Variants in CDK17 observed in about 807,000 individuals in gnomAD.
CDK17 encodes cyclin-dependent kinase 17.
Under a neutral mutation model 77.6 loss-of-function variants are expected in CDK17, and 24 were observed. The ratio of observed to expected loss-of-function variants is 0.31; its 90% CI spans 0.22 to 0.44. The LOEUF (loss-of-function observed/expected upper bound fraction) is 0.44. CDK17 is among the 20% of genes least tolerant of loss of function. CDK17 has a pLI of 1.00. For missense variants in CDK17, 429 were observed against 622.5 expected (o/e 0.69, Z 3.31); for synonymous variants, 203 against 210.4 (o/e 0.96, Z 0.30).
chr12:96,390,778 G>A (rs1180469624), intron 1 of CDK17, among the ~76,000 whole-genome samples: 1 of 149,904 alleles, frequency 6.7e-6, no homozygotes, highest in African/African-American at 2.5e-5. Flanking sequence ...AGTAGACCAT[G>A]GAACAGTTTT....
chr12:96,310,441 G>A lies in CDK17; in HGVS notation c.543+611C>T, dbSNP rs180749762. 2.2e-4 allele frequency among the ~76,000 whole-genome samples: 33 copies of A among 152,166 alleles called. No individual in the cohort carries two copies. The East Asian group carries it at 6.2e-3, about 28-fold the overall frequency. On this transcript the variant is annotated intron_variant, in intron 5 of 16. Coordinates refer to ENST00000261211, the MANE Select transcript of CDK17 (RefSeq NM_002595.5). ...AAAACAAATAAGAATATATGTGAATGGGATTTTAGAAGATCCAGATACCAA... is the reference window on the plus strand; with the variant it reads ...AAAACAAATAAGAATATATGTGAATAGGATTTTAGAAGATCCAGATACCAA...
At position 96,334,810 on chromosome 12, in the gene CDK17, G is replaced by A. The variant is rs1405412419; in HGVS notation, c.27C>T (p.Ser9=). The change falls in exon 2 of 17, where the codon TCC becomes TCT. Residue 9 remains serine (S), a synonymous_variant. Transcript: ENST00000261211. The stretch of plus-strand genomic sequence containing the variant: ...TAGTCTGACTTCCTCGGAGTGTGAG[G>A]GATAGCCTTCTCTTAAATTTTTTCA... MKKFKRRL[S]LTLRGSQTID... 6.2e-7 allele frequency: 1 copy of A among 1,606,034 alleles called. No individual in the cohort carries two copies. Among genetic ancestry groups the A allele is most frequent in the East Asian group, 2.2e-5 (1 of 44,748 alleles).
At chr12:96,394,477 T>A (rs893859740) in intron 1 of CDK17, among the ~76,000 whole-genome samples, 9 of 152,052 alleles carry the variant, frequency 5.9e-5, no homozygotes, top group East Asian at 3.9e-4. Context: ...CTTGAACATA[T>A]TTACACTAAC....
chr12:96,384,722 G>GT (rs1460104339), intron 1 of CDK17, among the ~76,000 whole-genome samples: 2 of 152,102 alleles, frequency 1.3e-5, no homozygotes, highest in Non-Finnish European at 2.9e-5. Flanking sequence ...ACACATGGAC[G>GT]TAAGATAGGA....
intron 1 of CDK17, among the ~76,000 whole-genome samples, chr12:96,391,071 A>G (rs937515339): frequency 1.4e-5 from 2 of 143,544 alleles, no homozygotes; most frequent in Admixed American, 1.4e-4. Flanking sequence ...TAAACGACAG[A>G]GGGAGACTCC....
chr12:96,374,810 C>T (rs182350997), intron 1 of CDK17, among the ~76,000 whole-genome samples: 9 of 152,294 alleles, frequency 5.9e-5, no homozygotes, highest in Admixed American at 3.9e-4. Flanking sequence ...ATAAATGAAA[C>T]AACACAATGC....
intron 1 of CDK17, among the ~76,000 whole-genome samples, chr12:96,373,341 C>T (rs1441073503): frequency 1.3e-5 from 2 of 152,134 alleles, no homozygotes; most frequent in Admixed American, 6.5e-5. Context: ...GCCTGTAATC[C>T]CAGCACTTTG....
At chr12:96,351,042 G>A (rs946642347) in intron 1 of CDK17, among the ~76,000 whole-genome samples, 6 of 152,030 alleles carry the variant, frequency 3.9e-5, no homozygotes, top group Admixed American at 6.6e-5. Flanking sequence ...AATGTACATC[G>A]CACCAAAGAT....
At chr12:96,302,858 A>G (rs924043636) in intron 5 of CDK17, among the ~76,000 whole-genome samples, 2 of 152,186 alleles carry the variant, frequency 1.3e-5, no homozygotes, top group African/African-American at 4.8e-5. Flanking sequence ...TAATCAGTCT[A>G]TAAAATAAAC....
At chr12:96,339,207 G>C (rs570838626) in intron 1 of CDK17, among the ~76,000 whole-genome samples, 1 of 152,268 alleles carries the variant, frequency 6.6e-6, no homozygotes. Context: ...CTGTAACACA[G>C]AGTAACTATA....
Position 96,313,507 on chromosome 12 carries a change from TTTA to T in CDK17, c.284-56_284-54del. ...AGATACATTATATTCTAATATATAA[TTTA>T]TTATCACTATGGGTAAAATATAGAA... On this transcript the variant is annotated intron_variant, in intron 3 of 16. Transcript: ENST00000261211. 2.9e-6 allele frequency: 3 copies of T among 1,043,204 alleles called. No individual in the cohort carries two copies. In the South Asian group the frequency reaches 6.5e-5, roughly 23 times the overall value. 64.6% of individuals were successfully genotyped at this position (1,043,204 alleles called of 1,614,324 possible). A position where few individuals can be genotyped will look rare whatever the true frequency, so the allele number is the denominator to read the frequency against.
chr12:96,338,970 C>T (rs1247352030), intron 1 of CDK17, among the ~76,000 whole-genome samples: 3 of 151,688 alleles, frequency 2.0e-5, no homozygotes, highest in Non-Finnish European at 2.9e-5. Flanking sequence ...CATTCCTGTC[C>T]TTCCCCCAGC....
At chr12:96,380,527 G>C (rs1487123141) in intron 1 of CDK17, among the ~76,000 whole-genome samples, 3 of 151,980 alleles carry the variant, frequency 2.0e-5, no homozygotes, top group African/African-American at 7.2e-5. Context: ...CTGACCTCGT[G>C]ATCCACCCGC....
chr12:96,308,174 C>T (rs898219592), intron 5 of CDK17, among the ~76,000 whole-genome samples: 5 of 148,602 alleles, frequency 3.4e-5, no homozygotes, highest in African/African-American at 5.0e-5. Flanking sequence ...GCAGAAGGAC[C>T]GCTTGAGCCC....
chr12:96,353,870 A>G (rs1953353313), intron 1 of CDK17, among the ~76,000 whole-genome samples: 1 of 152,196 alleles, frequency 6.6e-6, no homozygotes, highest in Admixed American at 6.5e-5. Flanking sequence ...AAAGTAAATT[A>G]AGGATTGAAC....
intron 1 of CDK17, among the ~76,000 whole-genome samples, chr12:96,372,127 C>A (rs912304311): frequency 4.6e-5 from 7 of 152,088 alleles, no homozygotes; most frequent in African/African-American, 1.4e-4. Flanking sequence ...GTTATAACAT[C>A]TTTTAAAAAC....
chr12:96,331,141 C>T (rs1952960755), intron 2 of CDK17, among the ~76,000 whole-genome samples: 1 of 152,184 alleles, frequency 6.6e-6, no homozygotes, highest in Admixed American at 6.5e-5. Flanking sequence ...CGGGGTTTCA[C>T]CGTGTTGGCC....
chr12:96,332,829 G>C (rs766980726), intron 2 of CDK17, among the ~76,000 whole-genome samples: 22 of 152,054 alleles, frequency 1.4e-4, no homozygotes, highest in Non-Finnish European at 2.8e-4. Context: ...TATACAACTT[G>C]AGAAAACAAA....
intron 5 of CDK17, among the ~76,000 whole-genome samples, chr12:96,304,059 A>T (rs1294938172): frequency 6.6e-6 from 1 of 152,242 alleles, no homozygotes; most frequent in Non-Finnish European, 1.5e-5. Context: ...AATAAAAGTT[A>T]CGTGAATGCA....
Sources: gnomAD v4.1 joint callset for allele counts (sites outside exome capture counted in the v4.1 genomes callset) on GRCh38, gnomAD v4.1.1 for gene constraint, MANE v1.5 for transcripts, NCBI Gene and HGNC (gene_info 2026-07-23, HGNC 2026-07-21) for gene names.